Variants in CD109 observed in about 807,000 individuals in gnomAD.
The protein encoded by CD109 is CD109 antigen.
Under a neutral mutation model 165.8 loss-of-function variants are expected in CD109, and 149 were observed. That is an observed-to-expected ratio of 0.90 (90% CI 0.79 to 1.03). The LOEUF (loss-of-function observed/expected upper bound fraction) is 1.03, where lower values mean the gene tolerates loss of function less well. CD109 is among the 50% of genes least tolerant of loss of function. The pLI, the probability that CD109 is intolerant of heterozygous loss-of-function variation, is 0.00. For synonymous variants in CD109, 585 were observed against 592.1 expected (o/e 0.99, Z 0.18); for missense variants, 1,712 against 1,677.8 (o/e 1.02, Z -0.36).
At chr6:73,807,743 C>T (rs1775620184) in intron 25 of CD109, among the ~76,000 whole-genome samples, 1 of 152,116 alleles carries the variant, frequency 6.6e-6, no homozygotes, top group South Asian at 2.1e-4. Context: ...GGCCGCACTA[C>T]CAGAGATCAA....
chr6:73,738,736 G>A (rs1395293445), intron 5 of CD109, among the ~76,000 whole-genome samples: 7 of 152,166 alleles, frequency 4.6e-5, no homozygotes, highest in Non-Finnish European at 1.0e-4. Flanking sequence ...GTAAAGTGCC[G>A]CCCTTCCTCT....
intron 28 of CD109, among the ~76,000 whole-genome samples, chr6:73,811,656 G>T (rs1775764275): frequency 6.6e-6 from 1 of 152,100 alleles, no homozygotes; most frequent in Non-Finnish European, 1.5e-5. Flanking sequence ...GATAGAACCG[G>T]TAGTAGAATT....
Position 73,736,415 on chromosome 6 carries a change from G to C in CD109, c.540G>C (p.Leu180Phe), listed in dbSNP as rs751382080. The C allele has an allele frequency of 1.1e-5, 18 of 1,613,656 alleles. No homozygotes were observed. The highest frequency in any genetic ancestry group is 1.7e-5 in the Admixed American group (1 of 59,940). Residue 180 changes from leucine (L) to phenylalanine (F), a missense_variant, in exon 5 of 33, where the codon TTG becomes TTC. Transcript: ENST00000287097. ...AATCAAATTTGATCCAACAGTGGTT[G>C]TCACAACAAAGTGATCTTGGAGTCA... is the stretch of plus-strand genomic sequence containing the variant. ...DPKSNLIQQW[L>F]SQQSDLGVIS...
chr6:73,791,477 A>G (rs549288886), intron 22 of CD109, among the ~76,000 whole-genome samples: 6 of 151,884 alleles, frequency 4.0e-5, no homozygotes, highest in Non-Finnish European at 5.9e-5. Flanking sequence ...ACACACACAC[A>G]CGCACACATA....
At chr6:73,731,232 G>T (rs192538762) in intron 4 of CD109, among the ~76,000 whole-genome samples, 95 of 152,274 alleles carry the variant, frequency 6.2e-4, no homozygotes, top group African/African-American at 1.8e-3. Flanking sequence ...TTTTAGTAGA[G>T]ACGGGGTTTC....
chr6:73,791,166 TATATATATATAC>T (rs1371918829), intron 22 of CD109, among the ~76,000 whole-genome samples: 665 of 40,960 alleles, frequency 0.016, 30 homozygotes, highest in East Asian at 0.06. Flanking sequence ...TATATATATA[TATATATATATAC>T]ACACACACAC....
chr6:73,690,167 T>C, the CD109 span, among the ~76,000 whole-genome samples: 2 of 152,316 alleles, frequency 1.3e-5, 1 homozygote. Flanking sequence ...TCCCTTTTAT[T>C]TCCCTTAAGA....
upstream of CD109, chr6:73,693,802 C>T (rs1770732355): frequency 6.6e-6 from 1 of 152,232 alleles, no homozygotes; most frequent in African/African-American, 2.4e-5. Context: ...TTGCCTTCCT[C>T]AGCCTCCCAA....
chr6:73,791,136 C>CACACACACATATATATAT (rs1478783898), intron 22 of CD109, among the ~76,000 whole-genome samples: 1 of 56,346 alleles, frequency 1.8e-5, no homozygotes, highest in African/African-American at 9.6e-5. Flanking sequence ...TACATACATA[C>CACACACACATATATATAT]ATATATATAT....
chr6:73,768,134 C>T lies in CD109; in HGVS notation c.1577C>T (p.Thr526Ile). Residue 526 changes from threonine to isoleucine, a missense_variant, in exon 14 of 33, where the codon ACT becomes ATT. By Grantham distance (89) the Thr-to-Ile change is moderately conservative. Coordinates refer to ENST00000287097, the MANE Select transcript of CD109 (RefSeq NM_133493.5). ...MFSLTPENSWTPKACVIVYYI... is the reference protein window; with the variant it reads ...MFSLTPENSWIPKACVIVYYI... ...TCTTTAACACCAGAAAATTCTTGGA[C>T]TCCAAAAGCCTGTGTAATTGTGTAT... 6.2e-7 allele frequency: 1 copy of T among 1,609,830 alleles called. No homozygotes were observed. The highest frequency in any genetic ancestry group is 1.1e-5 in the South Asian group (1 of 90,930).
At chr6:73,749,445 C>T (rs1350902302) in intron 5 of CD109, among the ~76,000 whole-genome samples, 1 of 152,104 alleles carries the variant, frequency 6.6e-6, no homozygotes, top group East Asian at 1.9e-4. Context: ...GGAGCAGGCA[C>T]TGGCTGGCAT....
intron 30 of CD109, among the ~76,000 whole-genome samples, chr6:73,817,278 A>G (rs1775972403): frequency 6.6e-6 from 1 of 152,232 alleles, no homozygotes; most frequent in Non-Finnish European, 1.5e-5. Flanking sequence ...TACTGAAAGT[A>G]TAATCTGCAT....
intron 2 of CD109, among the ~76,000 whole-genome samples, chr6:73,713,556 G>T (rs1023571332): frequency 6.6e-6 from 1 of 151,990 alleles, no homozygotes; most frequent in Non-Finnish European, 1.5e-5. Flanking sequence ...ACCTGGCCTG[G>T]GTAGGACTTC....
chr6:73,709,564 G>C (rs905928325), intron 2 of CD109, among the ~76,000 whole-genome samples: 1 of 152,112 alleles, frequency 6.6e-6, no homozygotes, highest in African/African-American at 2.4e-5. Context: ...TGATGGGGAT[G>C]GCATTGAATC....
chr6:73,824,093 C>A lies in CD109; in HGVS notation c.*460C>A. The A allele has an allele frequency of 6.6e-6, 1 of 152,072 alleles. No individual in the cohort carries two copies. The highest frequency in any genetic ancestry group is 2.9e-3 in the Middle Eastern group (1 of 348). 9.4% of individuals were successfully genotyped at this position (152,072 alleles called of 1,614,324 possible). On this transcript the variant is annotated 3_prime_UTR_variant, in exon 33 of 33. Coordinates refer to ENST00000287097, the MANE Select transcript of CD109 (RefSeq NM_133493.5). ...CCACCTCCAACCTAGCCCTACTGCC[C>A]ACCCCACCCCAACCCACCCCATGCC...
intron 23 of CD109, among the ~76,000 whole-genome samples, chr6:73,793,972 G>A (rs1775061809): frequency 6.6e-6 from 1 of 152,052 alleles, no homozygotes; most frequent in Non-Finnish European, 1.5e-5. Flanking sequence ...GAAAAGTAGG[G>A]GCAAGCTATT....
At chr6:73,689,604 A>G in the CD109 span, among the ~76,000 whole-genome samples, 13 of 151,816 alleles carry the variant, frequency 8.6e-5, no homozygotes, top group African/African-American at 2.9e-4. Context: ...ATATTTCTTG[A>G]TCCAAGAAAA....
chr6:73,799,977 C>T (rs1775305658), intron 23 of CD109, among the ~76,000 whole-genome samples: 1 of 151,746 alleles, frequency 6.6e-6, no homozygotes, highest in South Asian at 2.1e-4. Flanking sequence ...CCACTTCAGC[C>T]TTCTGAACAG....
intron 23 of CD109, among the ~76,000 whole-genome samples, chr6:73,796,774 G>A (rs963144465): frequency 3.3e-5 from 5 of 152,242 alleles, no homozygotes; most frequent in Middle Eastern, 3.4e-3. Context: ...CTAATGGGTC[G>A]ACCTGGCCTT....
Sources: allele counts gnomAD v4.1 joint callset (sites outside exome capture counted in the v4.1 genomes callset), GRCh38; gene constraint gnomAD v4.1.1; transcripts MANE v1.5; gene names NCBI Gene and HGNC (gene_info 2026-07-23, HGNC 2026-07-21).